Variants in C8orf34 observed in about 807,000 individuals in gnomAD.
C8orf34 encodes the protein uncharacterized protein C8orf34.
A neutral mutation model predicts 68.3 loss-of-function variants in C8orf34; 65 were observed. The ratio of observed to expected loss-of-function variants is 0.95; its 90% confidence interval spans 0.78 to 1.17. The LOEUF is 1.17. Among genes scored for constraint, C8orf34 ranks in the 50% most tolerant of loss-of-function variants. The pLI, the probability that C8orf34 is intolerant of heterozygous loss-of-function variation, is 0.00. For synonymous variants in C8orf34, 244 were observed against 241.2 expected (o/e 1.01, Z -0.11); for missense variants, 664 against 655.4 (o/e 1.01, Z -0.14).
At chr8:68,595,294 C>G (rs540556611) in intron 7 of C8orf34, among the ~76,000 whole-genome samples, 2 of 151,960 alleles carry the variant, frequency 1.3e-5, no homozygotes, top group Non-Finnish European at 2.9e-5. Flanking sequence ...GTCAATTGAT[C>G]TTTGATACAA....
chr8:68,558,149 A>G (rs1247056815), intron 7 of C8orf34, among the ~76,000 whole-genome samples: 1 of 152,190 alleles, frequency 6.6e-6, no homozygotes, highest in Admixed American at 6.5e-5. Context: ...GATAAAAGTT[A>G]TAGGATAATA....
intron 8 of C8orf34, among the ~76,000 whole-genome samples, chr8:68,699,979 G>T (rs1348853163): frequency 6.6e-6 from 1 of 152,024 alleles, no homozygotes; most frequent in African/African-American, 2.4e-5. Flanking sequence ...AGAGGCAAAT[G>T]TTCAGAGGTT....
intron 10 of C8orf34, among the ~76,000 whole-genome samples, chr8:68,736,220 T>C (rs1822118776): frequency 6.6e-6 from 1 of 152,196 alleles, no homozygotes; most frequent in Non-Finnish European, 1.5e-5. Context: ...ATACTGTCAG[T>C]AAAATAGACT....
intron 6 of C8orf34, among the ~76,000 whole-genome samples, chr8:68,528,581 C>G (rs1038363379): frequency 6.6e-6 from 1 of 152,218 alleles, no homozygotes; most frequent in Non-Finnish European, 1.5e-5. Context: ...TTTCCCTATT[C>G]TGTGGCTGAA....
At chr8:68,438,358 G>T (rs1810751429) in intron 1 of C8orf34, 1 of 152,242 alleles carries the variant, frequency 6.6e-6, no homozygotes. Context: ...TCTGAAGATT[G>T]GTTAGGGTAA....
At chr8:68,480,967 G>A (rs950104449) in intron 4 of C8orf34, among the ~76,000 whole-genome samples, 1 of 152,170 alleles carries the variant, frequency 6.6e-6, no homozygotes, top group African/African-American at 2.4e-5. Context: ...TGCATAAGTA[G>A]CCAGGAACCT....
intron 1 of C8orf34, among the ~76,000 whole-genome samples, chr8:68,360,756 CTTTTTTT>C (rs397955906): frequency 1.5e-5 from 2 of 134,756 alleles, no homozygotes; most frequent in Admixed American, 7.6e-5. Flanking sequence ...TTCTTCCTTT[CTTTTTTT>C]TTTTTTTTTT....
At chr8:68,421,240 G>A (rs919322498) in intron 1 of C8orf34, among the ~76,000 whole-genome samples, 1 of 152,164 alleles carries the variant, frequency 6.6e-6, no homozygotes, top group Non-Finnish European at 1.5e-5. Context: ...AACAGGAAAT[G>A]ACAAAGAGCT....
chr8:68,584,528 T>C (rs1250145139), intron 7 of C8orf34, among the ~76,000 whole-genome samples: 2 of 152,144 alleles, frequency 1.3e-5, no homozygotes, highest in African/African-American at 4.8e-5. Context: ...ATACCTTCAA[T>C]GTTGTATCTC....
In C8orf34 at chr8:68,630,453, T is replaced by C. The variant is rs916101276; in HGVS notation, c.1106-9923T>C. Among the ~76,000 whole-genome samples, 6 of 152,148 alleles carry C rather than the reference T, an allele frequency of 3.9e-5. No individual in the cohort carries two copies. The East Asian group carries it at 7.7e-4, about 20-fold the overall frequency. On this transcript the variant is annotated intron_variant, in intron 7 of 13. Transcript: ENST00000518698. ...CAAGCACTCAGTAATAACATGTAAC[T>C]AGTGACTCATGAATTCAACAGTACA...
intron 8 of C8orf34, among the ~76,000 whole-genome samples, chr8:68,703,675 T>C (rs1013636330): frequency 1.3e-5 from 2 of 152,132 alleles, no homozygotes; most frequent in African/African-American, 2.4e-5. Context: ...TGTCCTTTCA[T>C]CCTTCAGTGG....
intron 8 of C8orf34, among the ~76,000 whole-genome samples, chr8:68,708,396 T>A (rs1467731638): frequency 6.6e-6 from 1 of 152,200 alleles, no homozygotes; most frequent in Admixed American, 6.5e-5. Flanking sequence ...ACAACTTATA[T>A]AACAGTATAA....
chr8:68,696,586 T>C (rs1820842795), intron 8 of C8orf34, among the ~76,000 whole-genome samples: 1 of 151,900 alleles, frequency 6.6e-6, no homozygotes, highest in Non-Finnish European at 1.5e-5. Context: ...ATATAGTTTA[T>C]ATCTATAGTG....
chr8:68,591,255 A>G (rs1817380980), intron 7 of C8orf34, among the ~76,000 whole-genome samples: 1 of 152,182 alleles, frequency 6.6e-6, no homozygotes. Flanking sequence ...TGCTTCTTCC[A>G]TTAGTAGGGT....
intron 10 of C8orf34, among the ~76,000 whole-genome samples, chr8:68,759,921 A>T (rs989377065): frequency 2.0e-5 from 3 of 152,226 alleles, no homozygotes; most frequent in Non-Finnish European, 2.9e-5. Context: ...GAAATGAAAG[A>T]TATACTCATT....
At chr8:68,590,498 TTAAATATGTTTGGCAGAGG>T (rs1157847639) in intron 7 of C8orf34, among the ~76,000 whole-genome samples, 1 of 152,008 alleles carries the variant, frequency 6.6e-6, no homozygotes, top group African/African-American at 2.4e-5. Context: ...GGAGGAAAAT[TTAAATATGTTTGGCAGAGG>T]AGGATGGTGG....
intron 7 of C8orf34, among the ~76,000 whole-genome samples, chr8:68,579,198 A>G (rs1288109369): frequency 1.3e-5 from 2 of 152,082 alleles, no homozygotes; most frequent in African/African-American, 4.8e-5. Context: ...TCCTCGGTTC[A>G]TCTTGACATA....
chr8:68,660,813 C>G (rs1411115629), intron 8 of C8orf34, among the ~76,000 whole-genome samples: 4 of 151,916 alleles, frequency 2.6e-5, no homozygotes, highest in African/African-American at 9.7e-5. Context: ...TGCAAGACAC[C>G]TTCCAAAAGG....
At chr8:68,466,150 A>G (rs1431823786) in intron 3 of C8orf34, among the ~76,000 whole-genome samples, 1 of 151,996 alleles carries the variant, frequency 6.6e-6, no homozygotes, top group Admixed American at 6.6e-5. Flanking sequence ...GCATGCCCTC[A>G]GTTATATGTG....
Sources: gnomAD v4.1 joint callset for allele counts (sites outside exome capture counted in the v4.1 genomes callset) on GRCh38, gnomAD v4.1.1 for gene constraint, MANE v1.5 for transcripts, NCBI Gene and HGNC (gene_info 2026-07-23, HGNC 2026-07-21) for gene names.